Variants in ZNF608 observed in about 807,000 individuals in gnomAD.
ZNF608 encodes the protein zinc finger protein 608.
A neutral mutation model predicts 109.0 loss-of-function variants in ZNF608; 12 were observed. The observed-to-expected ratio is 0.11, with a 90% CI of 0.07 to 0.18. The LOEUF (loss-of-function observed/expected upper bound fraction) is 0.18. Ranked by LOEUF, ZNF608 falls within the 10% of genes least tolerant of loss-of-function variation. ZNF608 has a pLI of 1.00. For synonymous variants in ZNF608, 732 were observed against 717.4 expected, an observed-to-expected ratio of 1.02 and a Z score of -0.33; for missense variants, 1,707 against 1,879.3, an observed-to-expected ratio of 0.91 and a Z score of 1.70.
At chr5:124,659,255 A>T (rs1162716322) in intron 3 of ZNF608, among the ~76,000 whole-genome samples, 1 of 152,130 alleles carries the variant, frequency 6.6e-6, no homozygotes, top group Non-Finnish European at 1.5e-5. Context: ...AGCCAGACAA[A>T]AATAAATCAT....
At chr5:124,650,130 T>C (rs1750715586) in intron 3 of ZNF608, among the ~76,000 whole-genome samples, 1 of 152,258 alleles carries the variant, frequency 6.6e-6, no homozygotes, top group African/African-American at 2.4e-5. Flanking sequence ...ATCGGTTTTG[T>C]TTCCAATTCA....
chr5:124,703,545 C>G (rs544011649), intron 2 of ZNF608, among the ~76,000 whole-genome samples: 69 of 152,250 alleles, frequency 4.5e-4, no homozygotes, highest in Middle Eastern at 3.4e-3. Context: ...GAAGGAGTAT[C>G]ACTTCAGGCT....
At chr5:124,748,143 C>T (rs1303133010), upstream of ZNF608, among the ~76,000 whole-genome samples, 1 of 152,116 alleles carries the variant, frequency 6.6e-6, no homozygotes, top group Non-Finnish European at 1.5e-5. Context: ...CAGAAATCGG[C>T]TTGTTCTGCC....
rs1161065409 is a variant in ZNF608 at position 124,648,741 on chromosome 5, G to A, written c.1643C>T (p.Ser548Phe). The change falls in exon 5 of 10, where the codon TCT (serine) becomes TTT (phenylalanine). Residue 548 changes from serine to phenylalanine, a missense_variant. Transcript: ENST00000513986. Reference sequence around the variant, plus strand: ...GGGACAGTCGATTAACACTGGAGAAGAGCAGCCTTGGTCCAAAAAAGTAGT... The same window carrying A: ...GGGACAGTCGATTAACACTGGAGAAAAGCAGCCTTGGTCCAAAAAAGTAGT... ...PETTFLDQGC[S>F]SPVLIDCPHP... 2 of 1,614,124 alleles carry A rather than the reference G, an allele frequency of 1.2e-6. No homozygotes were observed. The highest frequency in any genetic ancestry group is 1.3e-5 in the African/African-American group (1 of 74,940).
intron 3 of ZNF608, among the ~76,000 whole-genome samples, chr5:124,677,425 G>C (rs1751990388): frequency 6.6e-6 from 1 of 152,190 alleles, no homozygotes; most frequent in Non-Finnish European, 1.5e-5. Flanking sequence ...GTCCTGATCT[G>C]TTTGACATAG....
intron 3 of ZNF608, among the ~76,000 whole-genome samples, chr5:124,654,656 G>C (rs1750932535): frequency 6.6e-6 from 1 of 152,172 alleles, no homozygotes; most frequent in African/African-American, 2.4e-5. Flanking sequence ...CTCCTTCTCA[G>C]CCTCCCTATC....
At chr5:124,725,903 T>G (rs1333931241) in intron 2 of ZNF608, among the ~76,000 whole-genome samples, 1 of 152,142 alleles carries the variant, frequency 6.6e-6, no homozygotes, top group African/African-American at 2.4e-5. Context: ...CTTTAAAAAA[T>G]GACAGATATT....
At chr5:124,741,469 C>A (rs996599689) in intron 2 of ZNF608, among the ~76,000 whole-genome samples, 1 of 150,544 alleles carries the variant, frequency 6.6e-6, no homozygotes, top group Non-Finnish European at 1.5e-5. Context: ...TGGCCCCTCA[C>A]GAGCCACATC....
intron 2 of ZNF608, among the ~76,000 whole-genome samples, chr5:124,741,718 A>T (rs1749414193): frequency 6.6e-6 from 1 of 152,206 alleles, no homozygotes; most frequent in African/African-American, 2.4e-5. Flanking sequence ...ACCACTAGTT[A>T]GTGGAATTAG....
chr5:124,727,414 A>G (rs1748659927), intron 2 of ZNF608, among the ~76,000 whole-genome samples: 1 of 152,212 alleles, frequency 6.6e-6, no homozygotes, highest in African/African-American at 2.4e-5. Context: ...CAGTTTATGC[A>G]TACTACTTCT....
chr5:124,719,527 G>A (rs764695376), intron 2 of ZNF608, among the ~76,000 whole-genome samples: 1 of 152,174 alleles, frequency 6.6e-6, no homozygotes, highest in Non-Finnish European at 1.5e-5. Context: ...ATCAGCATGG[G>A]GTGGTGGGAA....
intron 3 of ZNF608, among the ~76,000 whole-genome samples, chr5:124,664,235 A>G (rs1027298094): frequency 2.0e-5 from 3 of 152,202 alleles, no homozygotes; most frequent in Admixed American, 6.5e-5. Context: ...GAAAAAAGAC[A>G]CACTACAAAT....
chr5:124,681,034 G>C (rs1752174120), intron 3 of ZNF608, among the ~76,000 whole-genome samples: 1 of 152,158 alleles, frequency 6.6e-6, no homozygotes, highest in Admixed American at 6.5e-5. Context: ...CATAAAATGA[G>C]TTCCAGAAAG....
At chr5:124,652,813 C>T (rs1451047937) in intron 3 of ZNF608, among the ~76,000 whole-genome samples, 1 of 152,172 alleles carries the variant, frequency 6.6e-6, no homozygotes, top group Admixed American at 6.5e-5. Context: ...CATAAATGCC[C>T]ATGATGAAAA....
At chr5:124,643,213 C>A (rs904398864) in intron 7 of ZNF608, among the ~76,000 whole-genome samples, 1 of 151,978 alleles carries the variant, frequency 6.6e-6, no homozygotes, top group Non-Finnish European at 1.5e-5. Context: ...TATTTTGCAC[C>A]AAAAGTTGGT....
At chr5:124,746,663 G>A (rs2149912103), upstream of ZNF608, 1 of 985,368 alleles carries the variant, frequency 1.0e-6, no homozygotes, top group East Asian at 1.1e-4. Flanking sequence ...CTAACATCGG[G>A]ATAAATTAGT....
chr5:124,700,895 A>G, intron 3 of ZNF608, 119 bp downstream of exon 3: 3 of 1,373,710 alleles, frequency 2.2e-6, no homozygotes, highest in South Asian at 2.9e-5. Flanking sequence ...GAGAGCGGAA[A>G]TAAAAAACAC....
intron 6 of ZNF608, among the ~76,000 whole-genome samples, 164 bp downstream of exon 6, chr5:124,644,080 A>G (rs2149784533): frequency 6.6e-6 from 1 of 152,356 alleles, no homozygotes; most frequent in South Asian, 2.1e-4. Context: ...CATTTCATTA[A>G]AAAAACTTAT....
chr5:124,662,812 G>GAA (rs1554084535), intron 3 of ZNF608, among the ~76,000 whole-genome samples: 1 of 150,882 alleles, frequency 6.6e-6, no homozygotes, highest in African/African-American at 2.4e-5. Flanking sequence ...CAGACACACA[G>GAA]ACACACACAC....
Sources: gnomAD v4.1 joint callset for allele counts (sites outside exome capture counted in the v4.1 genomes callset) on GRCh38, gnomAD v4.1.1 for gene constraint, MANE v1.5 for transcripts, NCBI Gene and HGNC (gene_info 2026-07-23, HGNC 2026-07-21) for gene names.